The following PPFIA2 variants were observed in gnomAD, a reference collection of about 807,000 sequenced individuals.
PPFIA2 encodes the protein PPFI scaffold protein A2.
A neutral mutation model predicts 175.5 loss-of-function variants in PPFIA2; 46 were observed. That is an observed-to-expected ratio of 0.26 (90% CI 0.21 to 0.34). The LOEUF (loss-of-function observed/expected upper bound fraction) is 0.34, where lower values mean the gene tolerates loss of function less well. Ranked by LOEUF, PPFIA2 falls within the 10% of genes least tolerant of loss-of-function variation. PPFIA2 has a pLI of 1.00. For missense variants in PPFIA2, 1,179 were observed against 1,506.1 expected (o/e 0.78, Z 3.60); for synonymous variants, 568 against 511.4 (o/e 1.11, Z -1.49).
chr12:81,461,417 T>A (rs918250534), intron 4 of PPFIA2, among the ~76,000 whole-genome samples: 2 of 152,128 alleles, frequency 1.3e-5, no homozygotes, highest in Non-Finnish European at 2.9e-5. Context: ...GGGATTATCA[T>A]CCGTCTAACT....
intron 5 of PPFIA2, 117 bp from the exon 6 acceptor site, chr12:81,445,837 T>C (rs748108495): frequency 2.2e-5 from 20 of 922,638 alleles, no homozygotes; most frequent in South Asian, 3.8e-5. Flanking sequence ...AGCTGCAGGT[T>C]ACACTGCAAG....
intron 7 of PPFIA2, among the ~76,000 whole-genome samples, chr12:81,406,722 C>T (rs1421490852): frequency 6.6e-6 from 1 of 151,766 alleles, no homozygotes; most frequent in Non-Finnish European, 1.5e-5. Flanking sequence ...AATGCTGTAA[C>T]TTATTTATTC....
chr12:81,384,057 T>C lies in PPFIA2; in HGVS notation c.950A>G (p.Glu317Gly). ...TARKDLIKTE[E>G]MNTKYQRDIR... ...GTCCCTTTGATACTTGGTGTTCATT[T>C]CTTCTGTTTTAATGAGATCCTTTCT... The change falls in exon 9 of 33, where the codon GAA becomes GGA. Residue 317 changes from glutamate to glycine, a missense_variant. Physicochemically the swap from Glu to Gly is moderately conservative, Grantham distance 98 (BLOSUM62 -2). Coordinates refer to ENST00000549396, the MANE Select transcript of PPFIA2 (RefSeq NM_003625.5). 1 of 1,612,898 alleles carries C rather than the reference T, an allele frequency of 6.2e-7. No individual in the cohort carries two copies. Among genetic ancestry groups the C allele is most frequent in the Non-Finnish European group, 8.5e-7 (1 of 1,179,258 alleles).
intron 7 of PPFIA2, among the ~76,000 whole-genome samples, chr12:81,425,777 T>C (rs2047037132): frequency 6.6e-6 from 1 of 152,212 alleles, no homozygotes; most frequent in Non-Finnish European, 1.5e-5. Flanking sequence ...GATTGTACTG[T>C]AAGTTATTTT....
At chr12:81,468,187 A>G (rs1335010370) in intron 4 of PPFIA2, among the ~76,000 whole-genome samples, 1 of 152,196 alleles carries the variant, frequency 6.6e-6, no homozygotes, top group Non-Finnish European at 1.5e-5. Context: ...AGAGGAACCA[A>G]CCTACTTCTT....
At chr12:81,750,938 G>A (rs913065989) in intron 3 of PPFIA2, among the ~76,000 whole-genome samples, 12 of 151,860 alleles carry the variant, frequency 7.9e-5, no homozygotes, top group African/African-American at 2.9e-4. Flanking sequence ...CTTTATTTCT[G>A]CCCCAAAAGT....
intron 7 of PPFIA2, among the ~76,000 whole-genome samples, chr12:81,434,302 T>C (rs2048607585): frequency 6.6e-6 from 1 of 152,070 alleles, no homozygotes; most frequent in Non-Finnish European, 1.5e-5. Context: ...GCATATATCA[T>C]ATATAAGTAC....
chr12:81,398,629 C>T (rs2041586169), intron 8 of PPFIA2, among the ~76,000 whole-genome samples: 1 of 152,080 alleles, frequency 6.6e-6, no homozygotes, highest in Non-Finnish European at 1.5e-5. Flanking sequence ...GGACTTTATG[C>T]TGGTTACTTA....
At chr12:81,459,949 T>C (rs551196100) in intron 4 of PPFIA2, among the ~76,000 whole-genome samples, 2 of 152,082 alleles carry the variant, frequency 1.3e-5, no homozygotes, top group Non-Finnish European at 2.9e-5. Flanking sequence ...CCATAGGGAG[T>C]GAGTTAGCTC....
intron 22 of PPFIA2, among the ~76,000 whole-genome samples, chr12:81,324,277 T>A (rs2054284317): frequency 6.6e-6 from 1 of 152,058 alleles, no homozygotes; most frequent in Admixed American, 6.6e-5. Context: ...TTATTTTAAA[T>A]CACTGTATAA....
rs1364953522 is a variant in PPFIA2 at position 81,457,825 on chromosome 12, T to C, written c.345A>G (p.Glu115=). The change falls in exon 5 of 33, where the codon GAA becomes GAG. Residue 115 remains glutamate (E), a synonymous_variant. Transcript: ENST00000549396. The part of the protein sequence containing the change: ...ALTKELNACR[E]QLLEKEEEIS... ...TTTCTTCTTCCTTTTCTAGAAGTTG[T>C]TCCCTGCAGGCATTTAATTCTTTTG... is the stretch of plus-strand genomic sequence containing the variant. 1 of 1,610,762 alleles carries C rather than the reference T, an allele frequency of 6.2e-7. No individual in the cohort carries two copies.
chr12:81,695,541 A>C (rs1044827270), intron 3 of PPFIA2, among the ~76,000 whole-genome samples: 4 of 152,140 alleles, frequency 2.6e-5, no homozygotes, highest in African/African-American at 4.8e-5. Context: ...GCTTCCTGTA[A>C]AACCTACAAA....
chr12:81,399,120 A>G (rs1161341413), intron 8 of PPFIA2, among the ~76,000 whole-genome samples: 1 of 151,966 alleles, frequency 6.6e-6, no homozygotes, highest in Non-Finnish European at 1.5e-5. Flanking sequence ...TGCTTAACAG[A>G]TCGCACAAAA....
At chr12:81,741,809 A>G (rs550441665) in intron 3 of PPFIA2, among the ~76,000 whole-genome samples, 1 of 152,334 alleles carries the variant, frequency 6.6e-6, no homozygotes, top group Non-Finnish European at 1.5e-5. Context: ...TAAGATAAAG[A>G]AATAAAATAT....
At chr12:81,394,124 T>C (rs1349125719) in intron 8 of PPFIA2, among the ~76,000 whole-genome samples, 1 of 152,052 alleles carries the variant, frequency 6.6e-6, no homozygotes, top group Non-Finnish European at 1.5e-5. Context: ...TTTCCAGTTA[T>C]CTTTTCATGA....
chr12:81,707,929 A>T (rs12828509), intron 3 of PPFIA2, among the ~76,000 whole-genome samples: 1 of 150,206 alleles, frequency 6.7e-6, no homozygotes, highest in Non-Finnish European at 1.5e-5. Context: ...AGAACAAAAA[A>T]CCAAACATCA....
chr12:81,648,239 A>G (rs1394438672), intron 4 of PPFIA2, among the ~76,000 whole-genome samples: 1 of 151,898 alleles, frequency 6.6e-6, no homozygotes, highest in Non-Finnish European at 1.5e-5. Flanking sequence ...ATACAAAAAA[A>G]CTTTTAGAAA....
intron 9 of PPFIA2, among the ~76,000 whole-genome samples, chr12:81,381,319 C>A (rs778042065): frequency 6.6e-6 from 1 of 152,204 alleles, no homozygotes; most frequent in Admixed American, 6.6e-5. Flanking sequence ...AATAAAAGAA[C>A]ACCTGGCATC....
intron 3 of PPFIA2, among the ~76,000 whole-genome samples, chr12:81,740,752 A>C (rs1287193702): frequency 6.6e-6 from 1 of 152,196 alleles, no homozygotes; most frequent in Non-Finnish European, 1.5e-5. Flanking sequence ...CAGGTTAAAT[A>C]GAAACTCATC....
Sources: allele counts gnomAD v4.1 joint callset (sites outside exome capture counted in the v4.1 genomes callset), GRCh38; gene constraint gnomAD v4.1.1; transcripts MANE v1.5; gene names NCBI Gene and HGNC (gene_info 2026-07-23, HGNC 2026-07-21).